RIMS1: variants seen among roughly 807,000 people sequenced by gnomAD.
RIMS1 encodes regulating synaptic membrane exocytosis 1.
In RIMS1, 83 loss-of-function variants were observed where a neutral mutation model predicts 214.1. The observed-to-expected ratio is 0.39, with a 90% CI of 0.32 to 0.47. The LOEUF is 0.47. Ranked by LOEUF, RIMS1 falls within the 20% of genes least tolerant of loss-of-function variation. RIMS1 has a pLI of 0.99. For missense variants in RIMS1, 2,050 were observed against 2,161.8 expected (o/e 0.95, Z 1.03); for synonymous variants, 793 against 786.8 (o/e 1.01, Z -0.13).
intron 1 of RIMS1, among the ~76,000 whole-genome samples, chr6:71,941,010 G>A (rs374526252): frequency 2.1e-3 from 316 of 152,222 alleles, no homozygotes; most frequent in South Asian, 0.012. Context: ...GAAACTTGTC[G>A]AAAATTTAGT....
chr6:72,398,783 C>T (rs1382884957), intron 32 of RIMS1, among the ~76,000 whole-genome samples, 172 bp from the exon 33 acceptor site: 1 of 151,872 alleles, frequency 6.6e-6, no homozygotes, highest in Non-Finnish European at 1.5e-5. Context: ...GTAATGGTAA[C>T]ATATAGATTT....
intron 29 of RIMS1, among the ~76,000 whole-genome samples, chr6:72,381,835 T>C (rs926068660): frequency 1.3e-5 from 2 of 152,158 alleles, no homozygotes; most frequent in Non-Finnish European, 2.9e-5. Flanking sequence ...AAAATAAAGG[T>C]CAATGTTCGA....
At chr6:72,320,579 T>A (rs895449507) in intron 28 of RIMS1, among the ~76,000 whole-genome samples, 1 of 152,060 alleles carries the variant, frequency 6.6e-6, no homozygotes, top group Non-Finnish European at 1.5e-5. Context: ...ATGCAATGTA[T>A]AGTGAAACTT....
intron 1 of RIMS1, among the ~76,000 whole-genome samples, chr6:71,908,545 A>G (rs563988547): frequency 5.9e-5 from 9 of 152,174 alleles, no homozygotes; most frequent in Non-Finnish European, 8.8e-5. Flanking sequence ...GGTGCAGTCA[A>G]CTTCTCTAAC....
At chr6:72,279,698 A>C (rs902384546) in intron 23 of RIMS1, among the ~76,000 whole-genome samples, 1 of 152,070 alleles carries the variant, frequency 6.6e-6, no homozygotes, top group African/African-American at 2.4e-5. Flanking sequence ...CTAATCATTC[A>C]AAATGAACAT....
In RIMS1 at chr6:71,886,867, TCTGCTGCTG is replaced by T. The variant is rs755283556; in HGVS notation, c.-146_-138del. 2.7e-6 allele frequency: 2 copies of T among 732,588 alleles called. No homozygotes were observed. The highest frequency in any genetic ancestry group is 1.8e-5 in the African/African-American group (1 of 56,496). 45.4% of individuals were successfully genotyped at this position (732,588 alleles called of 1,614,324 possible). ...AGACTGGGTTCTCGCTCTCCCCGGCTCTGCTGCTGCTGCTGCTGCCGCCGCCGCCGCTGC... is the reference window on the plus strand; with the variant it reads ...AGACTGGGTTCTCGCTCTCCCCGGCTCTGCTGCTGCCGCCGCCGCCGCTGC... On this transcript the variant is annotated 5_prime_UTR_variant, in exon 1 of 34. Coordinates refer to ENST00000521978, the MANE Select transcript of RIMS1 (RefSeq NM_014989.7).
At chr6:72,235,750 G>T in intron 8 of RIMS1, 22 bp downstream of exon 8, 1 of 1,438,666 alleles carries the variant, frequency 7.0e-7, no homozygotes, top group African/African-American at 1.4e-5. Flanking sequence ...GGTTTAAAAT[G>T]TTTCTTAAAG....
intron 33 of RIMS1, 114 bp downstream of exon 33, chr6:72,399,208 A>G (rs1427539210): frequency 1.3e-6 from 1 of 762,782 alleles, no homozygotes; most frequent in Non-Finnish European, 1.9e-6. Context: ...GTAGGATAAT[A>G]TTCTTGAGTA....
At chr6:71,995,478 G>GTGTC (rs1437186115) in intron 2 of RIMS1, among the ~76,000 whole-genome samples, 1 of 151,214 alleles carries the variant, frequency 6.6e-6, no homozygotes, top group Non-Finnish European at 1.5e-5. Context: ...GTGTGTGTGT[G>GTGTC]TGTGTATGTT....
intron 6 of RIMS1, among the ~76,000 whole-genome samples, chr6:72,231,704 T>G (rs937631870): frequency 1.3e-5 from 2 of 151,666 alleles, no homozygotes; most frequent in African/African-American, 2.4e-5. Context: ...TAGCACTGCT[T>G]GATAGCACTG....
Position 72,182,379 on chromosome 6 carries a change from G to C in RIMS1, c.908G>C (p.Gly303Ala), listed in dbSNP as rs1227363529. 2 of 1,613,922 alleles carry C rather than the reference G, an allele frequency of 1.2e-6. No individual in the cohort carries two copies. Among genetic ancestry groups the C allele is most frequent in the Non-Finnish European group, 1.7e-6 (2 of 1,179,888 alleles). ...VPKTSAQPVE[G>A]AVEERERKER... ...AAGACCTCAGCGCAGCCCGTGGAGG[G>C]GGCCGTCGAAGAACGGGAGCGCAAA... The change falls in exon 6 of 34, where the codon GGG (glycine) becomes GCG (alanine). Residue 303 changes from glycine (G) to alanine (A), a missense_variant. Physicochemically the swap from Gly to Ala is moderately conservative, Grantham distance 60. This residue lies in a region of RIMS1 where 882 missense variants were observed against 828.9 expected (regional missense o/e 1.06). Transcript: ENST00000521978.
At chr6:72,278,759 G>A (rs2088232663) in intron 23 of RIMS1, among the ~76,000 whole-genome samples, 1 of 151,950 alleles carries the variant, frequency 6.6e-6, no homozygotes. Context: ...ATACAGGAAG[G>A]TAAATGTATC....
At position 72,313,796 on chromosome 6, in the gene RIMS1, A is replaced by G. The variant is rs142277141; in HGVS notation, c.4130+124A>G. ...ACAGTGGGTTAAGTATTTATCGACT[A>G]CTATGTAGTATTGCCAACAGAATGT... On this transcript the variant is annotated intron_variant, in intron 28 of 33. Coordinates refer to ENST00000521978, the MANE Select transcript of RIMS1 (RefSeq NM_014989.7). The G allele has an allele frequency of 3.4e-5, 32 of 928,422 alleles. No individual in the cohort carries two copies. The South Asian group carries it at 5.1e-4, about 15-fold the overall frequency. 57.5% of individuals were successfully genotyped at this position (928,422 alleles called of 1,614,324 possible).
At chr6:72,018,449 A>G (rs1411575901) in intron 2 of RIMS1, among the ~76,000 whole-genome samples, 2 of 152,148 alleles carry the variant, frequency 1.3e-5, no homozygotes, top group Non-Finnish European at 2.9e-5. Flanking sequence ...TTGATTTTAG[A>G]CACGATAAAT....
intron 1 of RIMS1, among the ~76,000 whole-genome samples, chr6:71,896,173 T>G (rs1057417864): frequency 1.3e-5 from 2 of 152,210 alleles, no homozygotes; most frequent in Non-Finnish European, 2.9e-5. Flanking sequence ...AAAGAGATTC[T>G]AATTTTATAT....
At chr6:72,037,384 G>C (rs927172658) in intron 2 of RIMS1, among the ~76,000 whole-genome samples, 5 of 151,960 alleles carry the variant, frequency 3.3e-5, no homozygotes, top group Non-Finnish European at 7.4e-5. Flanking sequence ...CTGTTCTAAG[G>C]CACAGCATTT....
At chr6:72,170,401 G>A (rs2046864784) in intron 4 of RIMS1, among the ~76,000 whole-genome samples, 1 of 151,994 alleles carries the variant, frequency 6.6e-6, no homozygotes, top group South Asian at 2.1e-4. Context: ...TGGCATGCAA[G>A]GGTGCAATCT....
intron 28 of RIMS1, among the ~76,000 whole-genome samples, chr6:72,314,871 A>G (rs941921528): frequency 6.6e-6 from 1 of 152,150 alleles, no homozygotes; most frequent in African/African-American, 2.4e-5. Context: ...AATTTGAAGT[A>G]ATTTTTGTTT....
chr6:72,205,963 G>A (rs867430917), intron 6 of RIMS1, among the ~76,000 whole-genome samples: 19 of 151,984 alleles, frequency 1.3e-4, no homozygotes, highest in African/African-American at 4.1e-4. Context: ...TATACTATAT[G>A]GTATGTTTTT....
Sources: allele counts gnomAD v4.1 joint callset (sites outside exome capture counted in the v4.1 genomes callset), GRCh38; gene constraint gnomAD v4.1.1; regional missense constraint gnomAD v4.1.1; transcripts MANE v1.5; gene names NCBI Gene and HGNC (gene_info 2026-07-23, HGNC 2026-07-21).